The following EPHA6 variants were observed in gnomAD, a reference collection of about 807,000 sequenced individuals.
The protein encoded by EPHA6 is EPH receptor A6.
A neutral mutation model predicts 112.0 loss-of-function variants in EPHA6; 50 were observed. The observed-to-expected ratio is 0.45, with a 90% CI of 0.36 to 0.56. The LOEUF is 0.56. Ranked by LOEUF, EPHA6 falls within the 20% of genes least tolerant of loss-of-function variation. The pLI is 0.00. For synonymous variants in EPHA6, 529 were observed against 490.7 expected (o/e 1.08, Z -1.03); for missense variants, 1,280 against 1,417.4 (o/e 0.90, Z 1.56).
At chr3:97,675,748 A>G (rs372096281) in intron 14 of EPHA6, among the ~76,000 whole-genome samples, 6 of 152,240 alleles carry the variant, frequency 3.9e-5, no homozygotes, top group African/African-American at 1.4e-4. Flanking sequence ...AATTACATAG[A>G]TAAATTGAAT....
At chr3:97,138,672 T>G (rs2075822265) in intron 3 of EPHA6, among the ~76,000 whole-genome samples, 1 of 152,154 alleles carries the variant, frequency 6.6e-6, no homozygotes, top group Admixed American at 6.5e-5. Flanking sequence ...TAATCTAATC[T>G]CAAACCAAGG....
intron 3 of EPHA6, among the ~76,000 whole-genome samples, chr3:97,164,786 A>G (rs1350396041): frequency 6.6e-6 from 1 of 151,812 alleles, no homozygotes; most frequent in Non-Finnish European, 1.5e-5. Flanking sequence ...GTCAGCTTTT[A>G]TTGGCTCTGC....
At chr3:97,269,356 G>T (rs760734039) in intron 5 of EPHA6, among the ~76,000 whole-genome samples, 2 of 151,858 alleles carry the variant, frequency 1.3e-5, no homozygotes, top group Non-Finnish European at 2.9e-5. Flanking sequence ...GGCTTCCCTG[G>T]ATCAAAGTGT....
At chr3:97,539,430 G>A (rs1339066541) in intron 11 of EPHA6, among the ~76,000 whole-genome samples, 1 of 152,096 alleles carries the variant, frequency 6.6e-6, no homozygotes, top group Non-Finnish European at 1.5e-5. Flanking sequence ...TTACAGGCAT[G>A]AGCCATCACA....
At chr3:96,880,175 T>G (rs1355909433) in intron 2 of EPHA6, among the ~76,000 whole-genome samples, 1 of 152,016 alleles carries the variant, frequency 6.6e-6, no homozygotes, top group Admixed American at 6.6e-5. Context: ...GATAAATGTT[T>G]GAAGTATTGG....
intron 3 of EPHA6, among the ~76,000 whole-genome samples, chr3:97,002,694 AG>A (rs1438732933): frequency 6.6e-6 from 1 of 152,004 alleles, no homozygotes; most frequent in East Asian, 1.9e-4. Context: ...GTTCTTGGAT[AG>A]GAGTTGTAAA....
At chr3:97,004,690 G>A (rs1045372959) in intron 3 of EPHA6, among the ~76,000 whole-genome samples, 1 of 152,002 alleles carries the variant, frequency 6.6e-6, no homozygotes, top group Non-Finnish European at 1.5e-5. Flanking sequence ...GTTGCTTTTG[G>A]CATTTTTGTC....
chr3:97,438,654 A>G (rs1430339058), intron 6 of EPHA6, among the ~76,000 whole-genome samples: 1 of 152,160 alleles, frequency 6.6e-6, no homozygotes, highest in African/African-American at 2.4e-5. Context: ...AGTAAACACA[A>G]CATTTTTTAA....
chr3:97,167,478 A>T (rs772961085), intron 3 of EPHA6, among the ~76,000 whole-genome samples: 1 of 152,050 alleles, frequency 6.6e-6, no homozygotes, highest in African/African-American at 2.4e-5. Flanking sequence ...ACTCTACTGT[A>T]TGTTTAGGTG....
intron 2 of EPHA6, among the ~76,000 whole-genome samples, chr3:96,882,635 C>T (rs886544410): frequency 2.6e-5 from 4 of 152,038 alleles, no homozygotes; most frequent in African/African-American, 9.7e-5. Context: ...TCCTGCATTA[C>T]TTCACTTAGA....
intron 13 of EPHA6, among the ~76,000 whole-genome samples, chr3:97,614,193 CA>C (rs746170013): frequency 1.3e-5 from 2 of 151,714 alleles, no homozygotes; most frequent in Admixed American, 6.6e-5. Context: ...ATGTCAACCA[CA>C]AAAAAATTCC....
chr3:97,379,530 C>A (rs1196225070), intron 5 of EPHA6, among the ~76,000 whole-genome samples: 3 of 151,288 alleles, frequency 2.0e-5, no homozygotes, highest in Non-Finnish European at 4.4e-5. Context: ...GTGGGTGGAT[C>A]ATGAGGTCAG....
At chr3:97,450,494 A>T (rs562431135) in intron 7 of EPHA6, among the ~76,000 whole-genome samples, 1 of 152,196 alleles carries the variant, frequency 6.6e-6, no homozygotes, top group Admixed American at 6.6e-5. Flanking sequence ...TCATAGAGCT[A>T]CATCTAAATA....
intron 14 of EPHA6, among the ~76,000 whole-genome samples, chr3:97,708,239 G>C (rs925478121): frequency 1.3e-5 from 2 of 152,204 alleles, no homozygotes; most frequent in Admixed American, 6.5e-5. Flanking sequence ...GGTGGTCTCA[G>C]ATGGAGATGA....
At chr3:97,328,044 C>CACACATAT (rs2082558296) in intron 5 of EPHA6, among the ~76,000 whole-genome samples, 1 of 53,530 alleles carries the variant, frequency 1.9e-5, no homozygotes, top group African/African-American at 9.5e-5. Flanking sequence ...TATATACACA[C>CACACATAT]ATATATACAC....
intron 3 of EPHA6, among the ~76,000 whole-genome samples, chr3:97,203,015 G>A (rs566519113): frequency 9.2e-5 from 14 of 152,216 alleles, no homozygotes; most frequent in African/African-American, 3.1e-4. Flanking sequence ...GAGAGGAGTT[G>A]GAGAGGTAGG....
chr3:96,831,090 T>C (rs577928146), intron 1 of EPHA6, among the ~76,000 whole-genome samples: 30 of 152,304 alleles, frequency 2.0e-4, no homozygotes, highest in African/African-American at 6.7e-4. Flanking sequence ...TTTATATTCC[T>C]TCGATATTTT....
chr3:97,739,944 C>T (rs2035428471), intron 16 of EPHA6, among the ~76,000 whole-genome samples: 2 of 152,108 alleles, frequency 1.3e-5, no homozygotes, highest in East Asian at 1.9e-4. Flanking sequence ...ATGTCATGCA[C>T]AGCCCTTGGG....
At chr3:97,737,691 T>C (rs901219525) in intron 16 of EPHA6, among the ~76,000 whole-genome samples, 4 of 152,172 alleles carry the variant, frequency 2.6e-5, no homozygotes, top group East Asian at 1.9e-4. Flanking sequence ...GTTATATTTA[T>C]AGGTTGAACC....
Sources: gnomAD v4.1 joint callset for allele counts (sites outside exome capture counted in the v4.1 genomes callset) on GRCh38, gnomAD v4.1.1 for gene constraint, MANE v1.5 for transcripts, NCBI Gene and HGNC (gene_info 2026-07-23, HGNC 2026-07-21) for gene names.